The following IL1RAPL1 variants were observed in gnomAD, a reference collection of about 807,000 sequenced individuals.
IL1RAPL1 encodes the protein interleukin 1 receptor accessory protein like 1.
Under a neutral mutation model 48.4 loss-of-function variants are expected in IL1RAPL1, and 3 were observed. The ratio of observed to expected loss-of-function variants is 0.06; its 90% CI spans 0.03 to 0.16. IL1RAPL1 has a LOEUF of 0.16. IL1RAPL1 is among the 10% of genes least tolerant of loss of function. The pLI is 1.00. For missense variants in IL1RAPL1, 349 were observed against 530.6 expected (o/e 0.66, Z 3.36); for synonymous variants, 185 against 187.7 (o/e 0.99, Z 0.12).
chrX:29,332,121 T>TTTTTTTA (rs1182334928), intron 3 of IL1RAPL1, among the ~76,000 whole-genome samples: 1 of 89,868 alleles, frequency 1.1e-5, no homozygotes, highest in Non-Finnish European at 2.2e-5. Context: ...TTTTTTTTTT[T>TTTTTTTA]AGATTCTATA....
intron 1 of IL1RAPL1, among the ~76,000 whole-genome samples, chrX:28,651,010 G>C (rs1199164733): frequency 9.0e-6 from 1 of 111,667 alleles, no homozygotes; most frequent in Admixed American, 9.5e-5. Context: ...TCCATACTTG[G>C]CCTCATGTGA....
intron 2 of IL1RAPL1, among the ~76,000 whole-genome samples, chrX:28,962,439 A>T (rs1355643329): frequency 3.6e-5 from 4 of 111,345 alleles, no homozygotes; most frequent in African/African-American, 1.3e-4. Flanking sequence ...AGTTTCAGTT[A>T]TTAAATTTTG....
At chrX:29,410,189 G>A (rs983392363) in intron 5 of IL1RAPL1, among the ~76,000 whole-genome samples, 1 of 110,187 alleles carries the variant, frequency 9.1e-6, no homozygotes, top group Non-Finnish European at 1.9e-5. Context: ...CTCGCCAGGT[G>A]CAGTGGCTCA....
chrX:29,078,296 CAAAAAA>C (rs201738589), intron 2 of IL1RAPL1, among the ~76,000 whole-genome samples: 1 of 110,436 alleles, frequency 9.1e-6, no homozygotes, highest in African/African-American at 3.3e-5. Flanking sequence ...CAAAACAAAA[CAAAAAA>C]AACAAAAACA....
At chrX:29,082,978 C>G (rs899155582) in intron 2 of IL1RAPL1, among the ~76,000 whole-genome samples, 1 of 111,526 alleles carries the variant, frequency 9.0e-6, no homozygotes, top group African/African-American at 3.3e-5. Context: ...AGCAATTAAG[C>G]CATTTCTATG....
intron 1 of IL1RAPL1, among the ~76,000 whole-genome samples, chrX:28,655,956 G>C (rs1017784323): frequency 8.9e-6 from 1 of 111,808 alleles, no homozygotes; most frequent in Non-Finnish European, 1.9e-5. Flanking sequence ...AATGTTTGAA[G>C]ATGAAGGCCA....
chrX:29,082,325 T>C (rs1313535074), intron 2 of IL1RAPL1, among the ~76,000 whole-genome samples: 1 of 112,284 alleles, frequency 8.9e-6, no homozygotes. Flanking sequence ...AATGTTCCCA[T>C]TCATAAAGGA....
intron 6 of IL1RAPL1, among the ~76,000 whole-genome samples, chrX:29,869,401 G>C (rs1413821235): frequency 9.0e-6 from 1 of 111,542 alleles, no homozygotes; most frequent in Non-Finnish European, 1.9e-5. Context: ...AAGAAAGCCT[G>C]GTGATACGTA....
chrX:29,650,369 CA>C (rs1279551057), intron 5 of IL1RAPL1, among the ~76,000 whole-genome samples: 1 of 111,552 alleles, frequency 9.0e-6, no homozygotes, highest in African/African-American at 3.2e-5. Flanking sequence ...TACCTGACTT[CA>C]AAATGTACTG....
intron 5 of IL1RAPL1, among the ~76,000 whole-genome samples, chrX:29,546,636 A>G (rs1921634586): frequency 9.0e-6 from 1 of 111,557 alleles, no homozygotes; most frequent in Non-Finnish European, 1.9e-5. Context: ...ACTGTGATCA[A>G]TCCATTCCCC....
chrX:29,884,554 T>C (rs113220740), intron 6 of IL1RAPL1, among the ~76,000 whole-genome samples: 7,600 of 111,005 alleles, frequency 0.068, 609 homozygotes, highest in African/African-American at 0.23. Context: ...TCTTCTCTAC[T>C]CTCCCTACTC....
chrX:29,603,844 A>G (rs908277386), intron 5 of IL1RAPL1, among the ~76,000 whole-genome samples: 1 of 112,614 alleles, frequency 8.9e-6, no homozygotes, highest in African/African-American at 3.2e-5. Flanking sequence ...TTTTGAGTAA[A>G]TAGAGTATAT....
chrX:28,728,712 A>G (rs1189408867), intron 1 of IL1RAPL1, among the ~76,000 whole-genome samples: 2 of 111,791 alleles, frequency 1.8e-5, no homozygotes, highest in East Asian at 2.8e-4. Context: ...TATGGTAATA[A>G]TAGACATTTA....
At chrX:29,480,616 G>A (rs1234793714) in intron 5 of IL1RAPL1, among the ~76,000 whole-genome samples, 1 of 110,076 alleles carries the variant, frequency 9.1e-6, no homozygotes, top group Admixed American at 9.7e-5. Flanking sequence ...TATTTTTGGC[G>A]GGGAGAGGTA....
At chrX:29,856,321 C>T (rs1178323934) in intron 6 of IL1RAPL1, among the ~76,000 whole-genome samples, 2 of 111,716 alleles carry the variant, frequency 1.8e-5, no homozygotes, top group African/African-American at 3.2e-5. Context: ...ACTAAGATTA[C>T]TTAAATCCGT....
At chrX:29,076,543 A>G (rs1927674088) in intron 2 of IL1RAPL1, among the ~76,000 whole-genome samples, 1 of 111,427 alleles carries the variant, frequency 9.0e-6, no homozygotes, top group South Asian at 3.8e-4. Context: ...TCTCCCTCCC[A>G]TCCCTTCTGA....
chrX:29,084,544 A>G (rs1266465562), intron 2 of IL1RAPL1, among the ~76,000 whole-genome samples: 1 of 112,317 alleles, frequency 8.9e-6, no homozygotes, highest in Admixed American at 9.4e-5. Flanking sequence ...GGAGATTCAT[A>G]CATGAGGACT....
chrX:29,481,639 C>T (rs1304289926), intron 5 of IL1RAPL1, among the ~76,000 whole-genome samples: 2 of 111,693 alleles, frequency 1.8e-5, no homozygotes, highest in Non-Finnish European at 3.8e-5. Flanking sequence ...TCCATTTTAA[C>T]TCTGCCTCAC....
intron 5 of IL1RAPL1, among the ~76,000 whole-genome samples, chrX:29,460,127 A>G (rs1284164179): frequency 8.9e-6 from 1 of 112,022 alleles, no homozygotes; most frequent in Non-Finnish European, 1.9e-5. Context: ...CTAGAAAACT[A>G]TTCAGTAAAA....
Sources: allele counts gnomAD v4.1 joint callset (sites outside exome capture counted in the v4.1 genomes callset), GRCh38; gene constraint gnomAD v4.1.1; transcripts MANE v1.5; gene names NCBI Gene and HGNC (gene_info 2026-07-23, HGNC 2026-07-21).